RUFY3: variants seen among roughly 807,000 people sequenced by gnomAD.
RUFY3 encodes RUN and FYVE domain containing 3, also known as protein RUFY3.
RUFY3 carries 34 observed loss-of-function variants against 84.0 expected under a neutral mutation model. The ratio of observed to expected loss-of-function variants is 0.40; its 90% confidence interval spans 0.31 to 0.54. The LOEUF (loss-of-function observed/expected upper bound fraction) is 0.54. Among genes scored for constraint, RUFY3 ranks in the 20% least tolerant of loss-of-function variants. The pLI is 0.39. For synonymous variants in RUFY3, 242 were observed against 252.9 expected (o/e 0.96, Z 0.41); for missense variants, 507 against 736.8 (o/e 0.69, Z 3.61).
Position 70,704,924 on chromosome 4 carries a change from G to C in RUFY3, c.-13G>C, listed in dbSNP as rs758080896. 2.0e-5 allele frequency: 24 copies of C among 1,212,502 alleles called. 1 individual carries two copies. Among genetic ancestry groups the C allele is most frequent in the Admixed American group, 1.3e-4 (3 of 22,802 alleles). 75.1% of individuals were successfully genotyped at this position (1,212,502 alleles called of 1,614,324 possible). ...GGCGCGAATCGGAGGCTGCGGCGAAGGAAGGAGTGAGCATGGCTGAGACCC... is the reference window on the plus strand; with the variant it reads ...GGCGCGAATCGGAGGCTGCGGCGAACGAAGGAGTGAGCATGGCTGAGACCC... On this transcript the variant is annotated 5_prime_UTR_variant, in exon 1 of 12. Coordinates refer to the RUFY3 transcript ENST00000417478.
At position 70,775,177 on chromosome 4, in the gene RUFY3, G is replaced by T; in HGVS notation, c.768G>T (p.Gln256His). ...NSSKGTEGDG[Q>H]ITAILDQKNY... ...CTTCCCCTTCCCCCAGAGACGGTCAGATTACTGCAATTCTGGACCAGAAGA... is the reference window on the plus strand; with the variant it reads ...CTTCCCCTTCCCCCAGAGACGGTCATATTACTGCAATTCTGGACCAGAAGA... Residue 256 changes from glutamine to histidine, a missense_variant, in exon 7 of 18, where the codon CAG (glutamine) becomes CAT (histidine). By Grantham distance (24) the Gln-to-His change is conservative. Around this residue, in one of 4 missense-constraint regions of RUFY3, gnomAD observed 23 missense variants for 17.0 expected, o/e 1.36. Transcript: ENST00000381006. 6.2e-7 allele frequency: 1 copy of T among 1,600,382 alleles called. No homozygotes were observed.
At chr4:70,789,925 G>T in intron 12 of RUFY3, 1 of 1,017,312 alleles carries the variant, frequency 9.8e-7, no homozygotes, top group South Asian at 3.7e-5. Context: ...TTAAATGTAT[G>T]TATGTAATTC....
chr4:70,736,492 AT>A (rs1417115555), intron 1 of RUFY3, among the ~76,000 whole-genome samples: 21 of 151,476 alleles, frequency 1.4e-4, no homozygotes, highest in African/African-American at 4.4e-4. Flanking sequence ...CCTCTGCAAT[AT>A]TTTTCCATAT....
intron 4 of RUFY3, among the ~76,000 whole-genome samples, chr4:70,765,149 C>T (rs1198034261): frequency 2.7e-5 from 4 of 148,054 alleles, no homozygotes; most frequent in Admixed American, 2.7e-4. Context: ...GAGCGTGCCA[C>T]CACTCTTCAG....
chr4:70,705,792 C>G (rs964749244), intron 1 of RUFY3, among the ~76,000 whole-genome samples: 16 of 152,186 alleles, frequency 1.1e-4, no homozygotes, highest in Non-Finnish European at 7.4e-5. Flanking sequence ...GGCTGCTGCG[C>G]CGCCGCCGCC....
chr4:70,722,338 T>G lies in RUFY3; in HGVS notation c.-236T>G, dbSNP rs1577940802. On this transcript the variant is annotated 5_prime_UTR_variant, in exon 1 of 18. Transcript: ENST00000381006. ...ACAAGCATCATCTTATTTTGCTATG[T>G]GGTAGGAACTGTCTATAAGATAGTG... The G allele has an allele frequency of 1.3e-5, 16 of 1,236,252 alleles. No homozygotes were observed. In the East Asian group the frequency reaches 3.4e-4, roughly 26 times the overall value. The allele number at this position is 1,236,252 out of a possible 1,614,324, so 76.6% of individuals were successfully genotyped here.
intron 14 of RUFY3, among the ~76,000 whole-genome samples, chr4:70,795,898 A>C (rs1321122116): frequency 6.6e-6 from 1 of 152,236 alleles, no homozygotes; most frequent in African/African-American, 2.4e-5. Context: ...ATTTCCCATC[A>C]TAACTCTCAC....
rs777830915 is a variant in RUFY3 at position 70,773,579 on chromosome 4, A to G, written c.758+7A>G. 6.3e-7 allele frequency: 1 copy of G among 1,599,928 alleles called. No individual in the cohort carries two copies. Among genetic ancestry groups the G allele is most frequent in the Non-Finnish European group, 8.6e-7 (1 of 1,168,482 alleles). ...GCAGTAAAGGTACTGAAGGGTACGTACAAAGAAAATTAGATTTCTTTTCTC... is the reference window on the plus strand; with the variant it reads ...GCAGTAAAGGTACTGAAGGGTACGTGCAAAGAAAATTAGATTTCTTTTCTC... On this transcript the variant is annotated splice_region_variant and intron_variant, in intron 6 of 17. Transcript: ENST00000381006.
At chr4:70,766,265 A>G (rs1244465705) in intron 4 of RUFY3, among the ~76,000 whole-genome samples, 3 of 152,070 alleles carry the variant, frequency 2.0e-5, no homozygotes, top group Admixed American at 1.3e-4. Context: ...GTTTTGCTTT[A>G]AGAGACTCGC....
intron 1 of RUFY3, among the ~76,000 whole-genome samples, chr4:70,739,863 C>T (rs1298367813): frequency 1.3e-5 from 2 of 148,906 alleles, no homozygotes; most frequent in African/African-American, 2.5e-5. Flanking sequence ...CAGTGGGGGA[C>T]GCCTATAATC....
chr4:70,713,502 A>G (rs1274090602), intron 1 of RUFY3, among the ~76,000 whole-genome samples: 1 of 151,296 alleles, frequency 6.6e-6, no homozygotes, highest in Non-Finnish European at 1.5e-5. Context: ...TTTATCTGAC[A>G]TGCTCCCTAC....
At chr4:70,727,153 T>G (rs185854053) in intron 1 of RUFY3, among the ~76,000 whole-genome samples, 1 of 151,916 alleles carries the variant, frequency 6.6e-6, no homozygotes, top group East Asian at 1.9e-4. Flanking sequence ...CTCTGTTTTT[T>G]TCAAGAATGG....
intron 16 of RUFY3, among the ~76,000 whole-genome samples, chr4:70,803,645 C>T (rs138500649): frequency 0.019 from 2,872 of 152,080 alleles, 93 homozygotes; most frequent in African/African-American, 0.065. Flanking sequence ...CTCCTGGGCT[C>T]AAGTGATCTT....
At chr4:70,767,711 C>T (rs1417114099) in intron 4 of RUFY3, among the ~76,000 whole-genome samples, 1 of 151,380 alleles carries the variant, frequency 6.6e-6, no homozygotes, top group African/African-American at 2.4e-5. Context: ...CAGAGTGTTG[C>T]TCTGTCACCC....
intron 1 of RUFY3, among the ~76,000 whole-genome samples, chr4:70,745,136 G>C (rs1282621414): frequency 2.6e-5 from 4 of 151,974 alleles, no homozygotes; most frequent in Non-Finnish European, 5.9e-5. Context: ...AGTAGAGATG[G>C]AGTTTCACCA....
rs113962762 is a variant in RUFY3, at chr4:70,753,867, A to T, written c.179-8652A>T. On this transcript the variant is annotated intron_variant, in intron 1 of 17. Coordinates refer to ENST00000381006, the MANE Select transcript of RUFY3 (RefSeq NM_001037442.4). ...CAAGCCCAACCCTCTCATTTTACTG[A>T]TGAGGAAATTGAAGCTTCAAAGGGG... 5.6e-3 allele frequency among the ~76,000 whole-genome samples: 856 copies of T among 152,220 alleles called. 14 individuals are homozygous for T. The highest frequency in any genetic ancestry group is 0.02 in the African/African-American group (830 of 41,540).
upstream of RUFY3, among the ~76,000 whole-genome samples, chr4:70,720,003 A>G (rs1320883832): frequency 6.6e-6 from 1 of 152,126 alleles, no homozygotes; most frequent in Non-Finnish European, 1.5e-5. Flanking sequence ...TTCCTTAGTA[A>G]CTTACTGATT....
chr4:70,744,899 C>T (rs1721947101), intron 1 of RUFY3, among the ~76,000 whole-genome samples: 1 of 151,888 alleles, frequency 6.6e-6, no homozygotes, highest in Admixed American at 6.6e-5. Context: ...AGGTGATGCG[C>T]CCGCCTCAGG....
chr4:70,766,081 A>G (rs1487154330), intron 4 of RUFY3, among the ~76,000 whole-genome samples: 1 of 152,028 alleles, frequency 6.6e-6, no homozygotes, highest in Non-Finnish European at 1.5e-5. Context: ...TGAATCAGAA[A>G]AGAAATAAGG....
Sources: gnomAD v4.1 joint callset for allele counts (sites outside exome capture counted in the v4.1 genomes callset) on GRCh38, gnomAD v4.1.1 for gene constraint, gnomAD v4.1.1 regional missense constraint, MANE v1.5 for transcripts, NCBI Gene and HGNC (gene_info 2026-07-23, HGNC 2026-07-21) for gene names.